Variants in PPM1L observed in about 807,000 individuals in gnomAD.
PPM1L encodes the protein protein phosphatase, Mg2+/Mn2+ dependent 1L.
PPM1L carries 13 observed loss-of-function variants against 31.4 expected under a neutral mutation model. The observed-to-expected ratio is 0.41, with a 90% confidence interval of 0.27 to 0.66. PPM1L has a LOEUF of 0.66. Ranked by LOEUF, PPM1L falls within the 30% of genes least tolerant of loss-of-function variation. The pLI, the probability that PPM1L is intolerant of heterozygous loss-of-function variation, is 0.29. For missense variants in PPM1L, 326 were observed against 453.7 expected (o/e 0.72, Z 2.56); for synonymous variants, 184 against 175.4 (o/e 1.05, Z -0.39).
chr3:160,984,588 G>T (rs1186863659), intron 2 of PPM1L, among the ~76,000 whole-genome samples: 2 of 152,184 alleles, frequency 1.3e-5, no homozygotes, highest in South Asian at 2.1e-4. Flanking sequence ...CAAGAGTATT[G>T]ATTGGGGAAT....
At chr3:160,760,608 A>G (rs1576626061) in intron 1 of PPM1L, among the ~76,000 whole-genome samples, 6 of 152,340 alleles carry the variant, frequency 3.9e-5, no homozygotes, top group Admixed American at 3.9e-4. Context: ...AGCTCGTTAT[A>G]TAAATTGATG....
chr3:160,956,638 T>C (rs1422441152), intron 1 of PPM1L, among the ~76,000 whole-genome samples: 8 of 152,244 alleles, frequency 5.3e-5, no homozygotes, highest in Non-Finnish European at 7.3e-5. Context: ...AAATAAAGCC[T>C]CATACAGCTT....
chr3:161,022,348 TA>T, intron 2 of PPM1L: 1 of 395,758 alleles, frequency 2.5e-6, no homozygotes, highest in Non-Finnish European at 4.5e-6. Flanking sequence ...AATAATTTCA[TA>T]ATTATTTCTT....
chr3:160,975,926 G>A (rs1420712530), intron 2 of PPM1L, among the ~76,000 whole-genome samples: 1 of 148,228 alleles, frequency 6.7e-6, no homozygotes, highest in Non-Finnish European at 1.5e-5. Context: ...TAGGAGTGGT[G>A]AGAGAGGGCA....
intron 1 of PPM1L, among the ~76,000 whole-genome samples, chr3:160,948,064 A>G (rs1715465564): frequency 6.6e-6 from 1 of 152,174 alleles, no homozygotes; most frequent in African/African-American, 2.4e-5. Context: ...AGCACCTAGC[A>G]CAGTGTCCAG....
chr3:160,796,099 G>A (rs2108075414), intron 1 of PPM1L, among the ~76,000 whole-genome samples: 1 of 152,206 alleles, frequency 6.6e-6, no homozygotes. Context: ...CCCTGGTCTG[G>A]GAATGCTTAA....
chr3:161,068,698 G>A, intron 3 of PPM1L, 113 bp from the exon 4 acceptor site: 2 of 810,832 alleles, frequency 2.5e-6, no homozygotes, highest in Non-Finnish European at 1.9e-6. Flanking sequence ...TAAGGGGAGT[G>A]CCCACAGCCC....
chr3:161,062,704 C>G (rs1160307807), intron 2 of PPM1L, among the ~76,000 whole-genome samples: 1 of 152,150 alleles, frequency 6.6e-6, no homozygotes. Flanking sequence ...AAAAAGAAAT[C>G]TTGCGTGGCA....
At chr3:160,887,029 G>A (rs1012815461) in intron 1 of PPM1L, among the ~76,000 whole-genome samples, 2 of 151,988 alleles carry the variant, frequency 1.3e-5, no homozygotes, top group African/African-American at 4.8e-5. Flanking sequence ...ACCTGATGGA[G>A]CTGAAAAATA....
chr3:161,024,258 C>A (rs190558615), intron 2 of PPM1L, among the ~76,000 whole-genome samples: 2 of 142,476 alleles, frequency 1.4e-5, no homozygotes, highest in African/African-American at 2.7e-5. Context: ...GGGCAAGACT[C>A]CGTCTCAAAA....
chr3:160,925,844 T>C (rs1714568647), intron 1 of PPM1L, among the ~76,000 whole-genome samples: 1 of 152,180 alleles, frequency 6.6e-6, no homozygotes, highest in Admixed American at 6.6e-5. Context: ...AGAAACCCCA[T>C]CTTTCTAGTT....
At chr3:160,835,039 ACTTCTTCTTCTTCTT>A (rs201253772) in intron 1 of PPM1L, among the ~76,000 whole-genome samples, 27 of 131,818 alleles carry the variant, frequency 2.0e-4, no homozygotes, top group Admixed American at 1.3e-3. Context: ...TACTACTACT[ACTTCTTCTTCTTCTT>A]CTTCTTCTTC....
chr3:160,877,989 G>C (rs182024692), intron 1 of PPM1L, among the ~76,000 whole-genome samples: 1 of 152,180 alleles, frequency 6.6e-6, no homozygotes, highest in South Asian at 2.1e-4. Context: ...TCAGCAGCTC[G>C]ATTTTACAGG....
chr3:160,902,444 A>T (rs1003590408), intron 1 of PPM1L, among the ~76,000 whole-genome samples: 1 of 152,120 alleles, frequency 6.6e-6, no homozygotes, highest in Non-Finnish European at 1.5e-5. Flanking sequence ...AGAGTAAGGA[A>T]CACAGGTGGA....
intron 1 of PPM1L, among the ~76,000 whole-genome samples, chr3:160,801,639 T>C (rs572531176): frequency 1.7e-4 from 26 of 152,348 alleles, no homozygotes; most frequent in South Asian, 1.7e-3. Context: ...CTGTTTATGC[T>C]GAGATAACTT....
intron 2 of PPM1L, among the ~76,000 whole-genome samples, chr3:161,039,553 C>T (rs543138043): frequency 1.1e-4 from 17 of 152,266 alleles, no homozygotes; most frequent in Admixed American, 9.8e-4. Context: ...GACAGAGTCT[C>T]GCTCTGTCGC....
Position 160,856,702 on chromosome 3 carries a change from T to C in PPM1L, c.399+99995T>C, listed in dbSNP as rs570079675. Among the ~76,000 whole-genome samples the C allele has an allele frequency of 2.6e-5, 4 of 152,238 alleles. No homozygotes were observed. In the East Asian group the frequency reaches 7.7e-4, roughly 29 times the overall value. ...GAGGATTGAAAAACTGCCTATCAGA[T>C]ACCATGCTTATTACCTGGTGATGAA... On this transcript the variant is annotated intron_variant, in intron 1 of 3. Transcript: ENST00000498165.
At chr3:160,833,053 GATA>G (rs1713569871) in intron 1 of PPM1L, among the ~76,000 whole-genome samples, 2 of 152,160 alleles carry the variant, frequency 1.3e-5, no homozygotes, top group Non-Finnish European at 2.9e-5. Flanking sequence ...GTTTGCTGAA[GATA>G]ATGTCTTCCA....
rs1464103316 is a variant in PPM1L at position 160,756,814 on chromosome 3, G to A, written c.399+107G>A. 4.9e-6 allele frequency: 6 copies of A among 1,227,572 alleles called. No homozygotes were observed. Among genetic ancestry groups the A allele is most frequent in the South Asian group, 4.6e-5 (3 of 65,790 alleles). The allele number at this position is 1,227,572 out of a possible 1,614,324, so 76.0% of individuals were successfully genotyped here. A position where few individuals can be genotyped will look rare whatever the true frequency, so the allele number is the denominator to read the frequency against. ...GTATAAACAACAGGACAGCGTGTGC[G>A]CAGCGGGAGAGGATCTGGGTGCGAG... is the stretch of plus-strand genomic sequence containing the variant. On this transcript the variant is annotated intron_variant, in intron 1 of 3. Coordinates refer to ENST00000498165, the MANE Select transcript of PPM1L (RefSeq NM_139245.4). The surrounding 1 kb of genome is among the most constrained non-coding windows in gnomAD (Gnocchi z 6.2).
Sources: gnomAD v4.1 joint callset for allele counts (sites outside exome capture counted in the v4.1 genomes callset) on GRCh38, gnomAD v4.1.1 for gene constraint, Gnocchi (gnomAD v3.1) non-coding constraint, MANE v1.5 for transcripts, NCBI Gene and HGNC (gene_info 2026-07-23, HGNC 2026-07-21) for gene names.